The following LENG1 variants were observed in gnomAD, a reference collection of about 807,000 sequenced individuals.
The protein encoded by LENG1 is leukocyte receptor cluster member 1.
LENG1 carries 35 observed loss-of-function variants against 28.8 expected under a neutral mutation model. The ratio of observed to expected loss-of-function variants is 1.22; its 90% confidence interval spans 0.93 to 1.61. The LOEUF (loss-of-function observed/expected upper bound fraction) is 1.61. Ranked by LOEUF, LENG1 falls within the 40% of genes most tolerant of loss-of-function variation. The probability of loss-of-function intolerance (pLI) is 0.00; values close to 1 mark genes in which losing one functional copy is unlikely to be tolerated. For synonymous variants in LENG1, 170 were observed against 140.6 expected, an observed-to-expected ratio of 1.21 and a Z score of -1.48; for missense variants, 404 against 348.9, an observed-to-expected ratio of 1.16 and a Z score of -1.26.
Position 54,155,908 on chromosome 19 carries a change from C to T in LENG1, c.608G>A (p.Arg203His), listed in dbSNP as rs758591116. ...CCTCTCAGCTGCTTCCCTCCGCAGA[C>T]GTTCAGCTCGAAGCTGGTCCAGGGA... ...PPSLDQLRAE[R>H]LRREAAERSR... Residue 203 changes from arginine to histidine, a missense_variant, in exon 4 of 4, where the codon CGT becomes CAT. Transcript: ENST00000222224. The T allele has an allele frequency of 9.3e-6, 15 of 1,611,836 alleles. No homozygotes were observed. The highest frequency in any genetic ancestry group is 1.3e-5 in the African/African-American group (1 of 74,934).
intron 1 of LENG1, 63 bp downstream of exon 1, chr19:54,159,501 C>T: frequency 2.1e-6 from 3 of 1,452,216 alleles, no homozygotes; most frequent in African/African-American, 1.4e-5. Context: ...CCGCTTCCGG[C>T]CCCCAACCGC....
Position 54,155,536 on chromosome 19 carries a change from G to A in LENG1, c.*185C>T. The A allele has an allele frequency of 1.1e-6, 1 of 909,456 alleles. No homozygotes were observed. 56.3% of individuals were successfully genotyped at this position (909,456 alleles called of 1,614,324 possible). On this transcript the variant is annotated 3_prime_UTR_variant, in exon 4 of 4. Coordinates refer to ENST00000222224, the MANE Select transcript of LENG1 (RefSeq NM_024316.3). ...GCATCCCCCTCTCCCAGGAAGCAGG[G>A]AGGGGGCCGGGAGGTTTTCCTCTCA...
chr19:54,157,078 G>GGAGACACACCTGACACCT, intron 2 of LENG1, 53 bp from the exon 3 acceptor site: 1 of 1,429,604 alleles, frequency 7.0e-7, no homozygotes, highest in Non-Finnish European at 9.3e-7. Context: ...AAGGTGTCAG[G>GGAGACACACCTGACACCT]TGTGTCTCCC....
rs752277249 is a variant in LENG1, at chr19:54,155,807, C to T, written c.709G>A (p.Asp237Asn). ...QEGQPEEDET[D>N]DRRRRYNSQF... The stretch of plus-strand genomic sequence containing the variant: ...GAGTTGTACCGCCGCCGCCGGTCAT[C>T]CGTCTCGTCTTCTTCCGGCTGACCC... The change falls in exon 4 of 4, where the codon GAT (aspartate) becomes AAT (asparagine). Residue 237 changes from aspartate (D) to asparagine (N), a missense_variant. Transcript: ENST00000222224. 8 of 1,612,312 alleles carry T rather than the reference C, an allele frequency of 5.0e-6. No homozygotes were observed. The highest frequency in any genetic ancestry group is 6.8e-6 in the Non-Finnish European group (8 of 1,179,796).
chr19:54,155,667 A>G lies in LENG1; in HGVS notation c.*54T>C. 1 of 1,449,156 alleles carries G rather than the reference A, an allele frequency of 6.9e-7. No individual in the cohort carries two copies. The highest frequency in any genetic ancestry group is 9.4e-7 in the Non-Finnish European group (1 of 1,066,846). 89.8% of individuals were successfully genotyped at this position (1,449,156 alleles called of 1,614,324 possible). On this transcript the variant is annotated 3_prime_UTR_variant, in exon 4 of 4. Transcript: ENST00000222224. ...TCATTTTGGAAAATATTTATGAATA[A>G]ATAGTTTTATATGACGGCTGGCAGC...
intron 3 of LENG1, 28 bp from the exon 4 acceptor site, chr19:54,155,968 GC>G: frequency 6.3e-7 from 1 of 1,578,436 alleles, no homozygotes; most frequent in Non-Finnish European, 8.6e-7. Flanking sequence ...AGGTCAGAAA[GC>G]TGGTAGCCCC....
Position 54,155,879 on chromosome 19 carries a change from G to A in LENG1, c.637C>T (p.Arg213Trp), listed in dbSNP as rs149477795. Reference protein sequence around the residue: ...RLRREAAERSRAEALLARVQG... With the variant: ...RLRREAAERSWAEALLARVQG... The stretch of plus-strand genomic sequence containing the variant: ...ACCCGGGCCAGCAGGGCCTCTGCCC[G>A]AGACCTCTCAGCTGCTTCCCTCCGC... Residue 213 changes from arginine to tryptophan, a missense_variant, in exon 4 of 4, where the codon CGG becomes TGG. Coordinates refer to ENST00000222224, the MANE Select transcript of LENG1 (RefSeq NM_024316.3). The A allele has an allele frequency of 8.7e-6, 14 of 1,612,758 alleles. No homozygotes were observed. The highest frequency in any genetic ancestry group is 2.2e-5 in the East Asian group (1 of 44,850).
At chr19:54,156,096 TG>T (rs1470405682) in intron 3 of LENG1, among the ~76,000 whole-genome samples, 156 bp from the exon 4 acceptor site, 1 of 152,230 alleles carries the variant, frequency 6.6e-6, no homozygotes, top group East Asian at 1.9e-4. Flanking sequence ...CACTTGGTGC[TG>T]GGACGCCATG....
intron 1 of LENG1, 117 bp downstream of exon 1, chr19:54,159,446 TG>T: frequency 1.8e-6 from 2 of 1,130,290 alleles, no homozygotes; most frequent in African/African-American, 1.6e-5. Flanking sequence ...GATCGGCGCC[TG>T]GTCCCGAATT....
At chr19:54,157,463 G>C (rs1329394574) in intron 2 of LENG1, among the ~76,000 whole-genome samples, 1 of 152,116 alleles carries the variant, frequency 6.6e-6, no homozygotes, top group Admixed American at 6.5e-5. Context: ...CTGCTTCCCA[G>C]GTTCAAGCAA....
At chr19:54,159,460 A>G (rs1269690281) in intron 1 of LENG1, 104 bp downstream of exon 1, 1 of 1,254,620 alleles carries the variant, frequency 8.0e-7, no homozygotes, top group Middle Eastern at 2.8e-4. Context: ...CCCGAATTTC[A>G]CACGGGGCAC....
chr19:54,157,311 C>T (rs993592154), intron 2 of LENG1, among the ~76,000 whole-genome samples: 4 of 152,302 alleles, frequency 2.6e-5, no homozygotes, highest in Admixed American at 2.6e-4. Flanking sequence ...TCAAGCAAAG[C>T]AGAGGAGCGA....
chr19:54,155,573 GGGGCCC>G lies in LENG1; in HGVS notation c.*142_*147del. On this transcript the variant is annotated 3_prime_UTR_variant, in exon 4 of 4. Coordinates refer to ENST00000222224, the MANE Select transcript of LENG1 (RefSeq NM_024316.3). ...AGGTTTTCCTCTCAGCCCCACCCTGGGGGCCCGGGGGCGAGGGCTGCCCCCTCCTCC... is the reference window on the plus strand; with the variant it reads ...AGGTTTTCCTCTCAGCCCCACCCTGGGGGGGCGAGGGCTGCCCCCTCCTCC... 1 of 982,948 alleles carries G rather than the reference GGGGCCC, an allele frequency of 1.0e-6. No individual in the cohort carries two copies. Among genetic ancestry groups the G allele is most frequent in the South Asian group, 1.7e-5 (1 of 59,474 alleles). The allele number at this position is 982,948 out of a possible 1,614,324, so 60.9% of individuals were successfully genotyped here.
chr19:54,158,051 T>C (rs2075427230), intron 2 of LENG1, among the ~76,000 whole-genome samples: 1 of 152,206 alleles, frequency 6.6e-6, no homozygotes, highest in African/African-American at 2.4e-5. Context: ...CTCCTCCAGT[T>C]TGGAGAACTG....
chr19:54,157,323 G>A (rs2075412361), intron 2 of LENG1, among the ~76,000 whole-genome samples: 1 of 152,186 alleles, frequency 6.6e-6, no homozygotes, highest in Admixed American at 6.5e-5. Flanking sequence ...GAGGAGCGAT[G>A]GGTGGGGTCA....
Position 54,155,406 on chromosome 19 carries a change from G to GA in LENG1, c.*314dup. On this transcript the variant is annotated 3_prime_UTR_variant, in exon 4 of 4. Coordinates refer to ENST00000222224, the MANE Select transcript of LENG1 (RefSeq NM_024316.3). ...TACCTGGAGGACCGGGACCTCCAGT[G>GA]ACACCGGCCCCTCCCTCTACCCACC... 2 of 1,591,270 alleles carry GA rather than the reference G, an allele frequency of 1.3e-6. No individual in the cohort carries two copies. The highest frequency in any genetic ancestry group is 1.7e-6 in the Non-Finnish European group (2 of 1,164,390).
intron 2 of LENG1, 128 bp downstream of exon 2, chr19:54,158,154 G>A: frequency 1.1e-6 from 1 of 887,516 alleles, no homozygotes; most frequent in Non-Finnish European, 1.8e-6. Context: ...TGAGTGTCAT[G>A]CCTTGGTATG....
intron 2 of LENG1, among the ~76,000 whole-genome samples, chr19:54,157,699 C>T (rs773990392): frequency 1.3e-5 from 2 of 150,368 alleles, no homozygotes; most frequent in Non-Finnish European, 3.0e-5. Flanking sequence ...TTGATCTTAG[C>T]CAAAAAGCAA....
chr19:54,155,956 T>G lies in LENG1; in HGVS notation c.576-16A>C. On this transcript the variant is annotated splice_polypyrimidine_tract_variant and intron_variant, in intron 3 of 3. Transcript: ENST00000222224. Reference sequence around the variant, plus strand: ...GGATGGAGGCCTGTGGGGAGAGGAGTGAGGTCAGAAAGCTGGTAGCCCCTA... The same window carrying G: ...GGATGGAGGCCTGTGGGGAGAGGAGGGAGGTCAGAAAGCTGGTAGCCCCTA... 1 of 1,593,990 alleles carries G rather than the reference T, an allele frequency of 6.3e-7. No homozygotes were observed. The highest frequency in any genetic ancestry group is 8.5e-7 in the Non-Finnish European group (1 of 1,170,510).
Sources: allele counts gnomAD v4.1 joint callset (sites outside exome capture counted in the v4.1 genomes callset), GRCh38; gene constraint gnomAD v4.1.1; transcripts MANE v1.5; gene names NCBI Gene and HGNC (gene_info 2026-07-23, HGNC 2026-07-21).